AR: variants seen among roughly 807,000 people sequenced by gnomAD.
AR encodes dihydrotestosterone receptor.
Under a neutral mutation model 53.9 loss-of-function variants are expected in AR, and 8 were observed. That is an observed-to-expected ratio of 0.15 (90% confidence interval 0.09 to 0.27). The LOEUF (loss-of-function observed/expected upper bound fraction) is 0.27. Ranked by LOEUF, AR falls within the 10% of genes least tolerant of loss-of-function variation. AR has a pLI of 1.00. For synonymous variants in AR, 359 were observed against 316.4 expected, an observed-to-expected ratio of 1.13 and a Z score of -1.43; for missense variants, 639 against 742.5, an observed-to-expected ratio of 0.86 and a Z score of 1.62.
At chrX:67,722,330 A>G (rs1204345936) in intron 6 of AR, among the ~76,000 whole-genome samples, 2 of 111,605 alleles carry the variant, frequency 1.8e-5, no homozygotes, top group African/African-American at 6.5e-5. Flanking sequence ...AGCAGGAGGC[A>G]TTTCCTCCTG....
chrX:67,700,420 G>A (rs1424824469), intron 3 of AR, among the ~76,000 whole-genome samples: 1 of 111,622 alleles, frequency 9.0e-6, no homozygotes, highest in Non-Finnish European at 1.9e-5. Flanking sequence ...AGACTAGCAA[G>A]CCTCATTGTC....
intron 1 of AR, among the ~76,000 whole-genome samples, chrX:67,641,509 T>C (rs1307458476): frequency 8.9e-6 from 1 of 112,163 alleles, no homozygotes; most frequent in Non-Finnish European, 1.9e-5. Flanking sequence ...ATGACATTTT[T>C]AGCCAAAAGA....
At chrX:67,674,057 G>T (rs1474232590) in intron 2 of AR, among the ~76,000 whole-genome samples, 7 of 110,482 alleles carry the variant, frequency 6.3e-5, no homozygotes, top group Non-Finnish European at 1.9e-5. Context: ...CAGACTCATA[G>T]AGTTACTGCC....
intron 1 of AR, among the ~76,000 whole-genome samples, chrX:67,588,843 TG>T (rs1188919935): frequency 8.9e-6 from 1 of 112,505 alleles, no homozygotes; most frequent in Non-Finnish European, 1.9e-5. Flanking sequence ...ATCCCTATTC[TG>T]TCTACCTTTC....
At chrX:67,670,773 C>T (rs374651598) in intron 2 of AR, among the ~76,000 whole-genome samples, 1 of 110,247 alleles carries the variant, frequency 9.1e-6, no homozygotes, top group South Asian at 3.9e-4. Flanking sequence ...CTGACAGGCC[C>T]TGGTGTATGA....
rs759546091 is a variant in AR at position 67,728,298 on chromosome X, G to A, written c.*4457G>A. The A allele has an allele frequency of 3.5e-4, 56 of 162,119 alleles. No homozygotes were observed. Among genetic ancestry groups the A allele is most frequent in the African/African-American group, 1.7e-3 (56 of 32,477 alleles). 13.4% of individuals were successfully genotyped at this position (162,119 alleles called of 1,213,427 possible). ...GAACTGGCTTTCCTTTTCTCTAGTA[G>A]TTGCTGAGCAAATTGTTGAAGCTCC... On this transcript the variant is annotated 3_prime_UTR_variant, in exon 8 of 8. Transcript: ENST00000374690.
intron 1 of AR, among the ~76,000 whole-genome samples, chrX:67,610,497 G>C (rs1340575095): frequency 3.6e-5 from 4 of 111,052 alleles, no homozygotes; most frequent in Non-Finnish European, 7.6e-5. Flanking sequence ...ACTCCTCAGA[G>C]GGTAACCACA....
At chrX:67,633,545 TAAATA>T (rs1441644917) in intron 1 of AR, among the ~76,000 whole-genome samples, 1 of 112,047 alleles carries the variant, frequency 8.9e-6, no homozygotes, top group Non-Finnish European at 1.9e-5. Context: ...TATTCCAAGG[TAAATA>T]CTCAAGAGAA....
At chrX:67,685,507 T>G (rs2075960988) in intron 2 of AR, among the ~76,000 whole-genome samples, 1 of 111,536 alleles carries the variant, frequency 9.0e-6, no homozygotes, top group African/African-American at 3.3e-5. Flanking sequence ...CAGTTAGAAA[T>G]CCCATGGAGT....
chrX:67,719,023 G>C (rs1602277094), intron 5 of AR, among the ~76,000 whole-genome samples: 1 of 110,906 alleles, frequency 9.0e-6, no homozygotes, highest in Admixed American at 9.5e-5. Context: ...GACAGGAATT[G>C]ACCTTCCCCC....
At chrX:67,664,259 C>G (rs749498272) in intron 2 of AR, among the ~76,000 whole-genome samples, 19 of 111,317 alleles carry the variant, frequency 1.7e-4, no homozygotes, top group Non-Finnish European at 3.4e-4. Context: ...TTTTATCTCC[C>G]TTTGGTCTTT....
intron 1 of AR, among the ~76,000 whole-genome samples, chrX:67,638,420 A>G (rs977906562): frequency 2.1e-4 from 23 of 111,888 alleles, no homozygotes; most frequent in African/African-American, 7.1e-4. Flanking sequence ...CAATGGTTGA[A>G]CTAATTTACA....
chrX:67,549,404 C>T (rs58089949), intron 1 of AR, among the ~76,000 whole-genome samples: 1,140 of 111,715 alleles, frequency 0.01, 17 homozygotes, highest in African/African-American at 0.036. Context: ...ACTCTGTGTT[C>T]TTATACATTT....
At chrX:67,670,499 A>G (rs189513267) in intron 2 of AR, among the ~76,000 whole-genome samples, 1 of 106,833 alleles carries the variant, frequency 9.4e-6, no homozygotes, top group Non-Finnish European at 1.9e-5. Flanking sequence ...AACCAAAAAA[A>G]TTAGCAGCTA....
intron 3 of AR, among the ~76,000 whole-genome samples, chrX:67,700,674 G>A (rs1257913483): frequency 2.7e-5 from 3 of 111,740 alleles, no homozygotes. Context: ...TATAGGCCTG[G>A]GGAGGAGGAT....
At chrX:67,631,166 C>T (rs763992686) in intron 1 of AR, among the ~76,000 whole-genome samples, 2 of 111,055 alleles carry the variant, frequency 1.8e-5, no homozygotes, top group Non-Finnish European at 3.8e-5. Context: ...CTCTGTATTT[C>T]CTGAATCTGA....
At chrX:67,553,530 C>G (rs748788219) in intron 1 of AR, among the ~76,000 whole-genome samples, 1 of 111,749 alleles carries the variant, frequency 8.9e-6, no homozygotes, top group Non-Finnish European at 1.9e-5. Flanking sequence ...TGCTTTGGCT[C>G]TTGTGGGTCC....
At chrX:67,622,308 A>G (rs1230097822) in intron 1 of AR, among the ~76,000 whole-genome samples, 1 of 108,323 alleles carries the variant, frequency 9.2e-6, no homozygotes, top group Non-Finnish European at 1.9e-5. Context: ...TATGATGGCT[A>G]GAAAGCCATT....
chrX:67,730,196 A>G lies in AR; in HGVS notation c.*6355A>G, dbSNP rs909518074. Reference sequence around the variant, plus strand: ...AAAAAGAAATAAGAAGAGAGAGAGAAAGAAAGCATCACACAAAGATTTTCT... The same window carrying G: ...AAAAAGAAATAAGAAGAGAGAGAGAGAGAAAGCATCACACAAAGATTTTCT... On this transcript the variant is annotated 3_prime_UTR_variant, in exon 8 of 8. Transcript: ENST00000374690. The G allele has an allele frequency of 5.8e-6, 1 of 171,063 alleles. No individual in the cohort carries two copies. Among genetic ancestry groups the G allele is most frequent in the African/African-American group, 3.0e-5 (1 of 33,387 alleles). The allele number at this position is 171,063 out of a possible 1,213,427, so 14.1% of individuals were successfully genotyped here.
Sources: allele counts gnomAD v4.1 joint callset (sites outside exome capture counted in the v4.1 genomes callset), GRCh38; gene constraint gnomAD v4.1.1; transcripts MANE v1.5; gene names NCBI Gene and HGNC (gene_info 2026-07-23, HGNC 2026-07-21).